The following CLSTN2 variants were observed in gnomAD, a reference collection of about 807,000 sequenced individuals.
CLSTN2 encodes calsyntenin-2.
In CLSTN2, 48 loss-of-function variants were observed where a neutral mutation model predicts 101.2. The observed-to-expected ratio is 0.47, with a 90% CI of 0.38 to 0.60. CLSTN2 has a LOEUF of 0.60. CLSTN2 is among the 20% of genes least tolerant of loss of function. CLSTN2 has a pLI of 0.00. For missense variants in CLSTN2, 1,160 were observed against 1,238.2 expected (o/e 0.94, Z 0.95); for synonymous variants, 481 against 463.6 (o/e 1.04, Z -0.48).
intron 9 of CLSTN2, among the ~76,000 whole-genome samples, chr3:140,533,688 G>A (rs533215942): frequency 1.5e-4 from 21 of 139,366 alleles, no homozygotes; most frequent in Non-Finnish European, 2.6e-4. Flanking sequence ...TCCAGCCTGG[G>A]CAATGGAACG....
At chr3:140,332,953 T>TAGGCAA (rs896904971) in intron 2 of CLSTN2, among the ~76,000 whole-genome samples, 34 of 152,276 alleles carry the variant, frequency 2.2e-4, no homozygotes, top group African/African-American at 8.2e-4. Flanking sequence ...GGTTTAGGCT[T>TAGGCAA]AGGCAAGTTT....
chr3:140,038,539 T>C (rs1300008277), intron 1 of CLSTN2, among the ~76,000 whole-genome samples: 1 of 152,160 alleles, frequency 6.6e-6, no homozygotes, highest in Non-Finnish European at 1.5e-5. Context: ...AGACGCTGTT[T>C]AGTTTAACTA....
At chr3:140,468,584 C>A (rs1165038263) in intron 8 of CLSTN2, among the ~76,000 whole-genome samples, 1 of 152,182 alleles carries the variant, frequency 6.6e-6, no homozygotes, top group Non-Finnish European at 1.5e-5. Context: ...AGGCAGGATG[C>A]ACGTGGGAAA....
intron 1 of CLSTN2, among the ~76,000 whole-genome samples, chr3:140,040,897 T>G (rs2007748594): frequency 6.6e-6 from 1 of 152,022 alleles, no homozygotes; most frequent in African/African-American, 2.4e-5. Flanking sequence ...TTGTGGTAAA[T>G]CTGTCATTTC....
chr3:140,555,058 C>T (rs146098913), intron 10 of CLSTN2, among the ~76,000 whole-genome samples: 134 of 152,254 alleles, frequency 8.8e-4, no homozygotes, highest in Admixed American at 2.4e-3. Context: ...ATTGCTCATA[C>T]TTCATGTCCA....
intron 1 of CLSTN2, among the ~76,000 whole-genome samples, chr3:140,051,009 C>T (rs1412939945): frequency 1.3e-5 from 2 of 152,172 alleles, no homozygotes; most frequent in Admixed American, 1.3e-4. Context: ...ACAAAGGGCA[C>T]ATTTGGGGGC....
At chr3:139,974,308 A>G (rs570006816) in intron 1 of CLSTN2, among the ~76,000 whole-genome samples, 42 of 152,294 alleles carry the variant, frequency 2.8e-4, no homozygotes, top group Middle Eastern at 3.4e-3. Context: ...AAGGACTAAA[A>G]TCTCTGGTTT....
intron 2 of CLSTN2, among the ~76,000 whole-genome samples, chr3:140,203,208 A>G (rs546644041): frequency 1.3e-5 from 2 of 152,298 alleles, no homozygotes; most frequent in South Asian, 2.1e-4. Flanking sequence ...TGCTGCTGCT[A>G]AGTCAAGTAA....
intron 1 of CLSTN2, among the ~76,000 whole-genome samples, chr3:139,998,321 A>C (rs1321783056): frequency 9.6e-6 from 1 of 104,280 alleles, no homozygotes; most frequent in African/African-American, 4.0e-5. Flanking sequence ...ATGGGATAAT[A>C]GTTCCCCCAC....
At chr3:140,330,288 C>T (rs1481764112) in intron 2 of CLSTN2, among the ~76,000 whole-genome samples, 3 of 152,212 alleles carry the variant, frequency 2.0e-5, no homozygotes, top group African/African-American at 7.2e-5. Flanking sequence ...ACATTGTCAG[C>T]ATCTCCACAT....
At chr3:140,154,805 C>T (rs1407315284) in intron 1 of CLSTN2, among the ~76,000 whole-genome samples, 4 of 151,946 alleles carry the variant, frequency 2.6e-5, no homozygotes, top group Non-Finnish European at 5.9e-5. Context: ...CCACCACGCC[C>T]AGCTAATTTT....
chr3:140,422,181 C>T (rs1024224569), intron 5 of CLSTN2, among the ~76,000 whole-genome samples: 11 of 77,636 alleles, frequency 1.4e-4, no homozygotes, highest in African/African-American at 5.6e-4. Flanking sequence ...CATATTTTCT[C>T]TCTTTCTTTC....
intron 2 of CLSTN2, among the ~76,000 whole-genome samples, chr3:140,293,183 A>C (rs1022757848): frequency 4.6e-5 from 7 of 152,174 alleles, no homozygotes; most frequent in Admixed American, 1.3e-4. Context: ...GTGGATTTGA[A>C]AGAGGTATTG....
chr3:140,557,473 C>T (rs749502466), intron 11 of CLSTN2, among the ~76,000 whole-genome samples: 5 of 152,186 alleles, frequency 3.3e-5, no homozygotes, highest in African/African-American at 7.2e-5. Flanking sequence ...ACCTCCAGGT[C>T]GTTGCCACAT....
intron 2 of CLSTN2, among the ~76,000 whole-genome samples, chr3:140,239,849 TTATG>T (rs1179597063): frequency 6.6e-6 from 1 of 151,998 alleles, no homozygotes; most frequent in Non-Finnish European, 1.5e-5. Flanking sequence ...AAAATATACA[TTATG>T]TATGTATGTA....
chr3:140,341,781 C>A (rs576414760), intron 2 of CLSTN2, among the ~76,000 whole-genome samples: 4 of 152,070 alleles, frequency 2.6e-5, no homozygotes, highest in Admixed American at 2.0e-4. Flanking sequence ...ACTACAGTTA[C>A]AATGTCCTGG....
chr3:140,401,001 G>T (rs1022600027), intron 2 of CLSTN2, among the ~76,000 whole-genome samples: 2 of 152,182 alleles, frequency 1.3e-5, no homozygotes, highest in East Asian at 1.9e-4. Context: ...CTTCTTTCAG[G>T]TACTGATTAT....
intron 2 of CLSTN2, among the ~76,000 whole-genome samples, chr3:140,393,230 G>A (rs115992191): frequency 0.013 from 1,962 of 152,182 alleles, 40 homozygotes; most frequent in African/African-American, 0.044. Flanking sequence ...TCAACTTTGG[G>A]GCCCCATCTC....
intron 1 of CLSTN2, among the ~76,000 whole-genome samples, chr3:139,990,861 A>C (rs1936102168): frequency 6.6e-6 from 1 of 152,250 alleles, no homozygotes; most frequent in Non-Finnish European, 1.5e-5. Flanking sequence ...GAATGACTTC[A>C]GATTGGTGCA....
Sources: allele counts gnomAD v4.1 joint callset (sites outside exome capture counted in the v4.1 genomes callset), GRCh38; gene constraint gnomAD v4.1.1; transcripts MANE v1.5; gene names NCBI Gene and HGNC (gene_info 2026-07-23, HGNC 2026-07-21).